Variants in KLHL18 observed in about 807,000 individuals in gnomAD.
KLHL18 encodes the protein kelch-like protein 18.
KLHL18 carries 38 observed loss-of-function variants against 58.5 expected under a neutral mutation model. The ratio of observed to expected loss-of-function variants is 0.65; its 90% CI spans 0.50 to 0.85. KLHL18 has a LOEUF of 0.85. KLHL18 is among the 40% of genes least tolerant of loss of function. KLHL18 has a pLI of 0.00. For synonymous variants in KLHL18, 303 were observed against 301.9 expected, an observed-to-expected ratio of 1.00 and a Z score of -0.04; for missense variants, 624 against 778.4, an observed-to-expected ratio of 0.80 and a Z score of 2.36.
rs1373449086 is a variant in KLHL18 at position 47,308,446 on chromosome 3, A to G, written c.130-11207A>G. Reference sequence around the variant, plus strand: ...TGTTCTGTCCCCCAGGCTGGAGTGCAATGGCACGATCTTGGCTCACTGCAA... The same window carrying G: ...TGTTCTGTCCCCCAGGCTGGAGTGCGATGGCACGATCTTGGCTCACTGCAA... On this transcript the variant is annotated intron_variant, in intron 1 of 9. Coordinates refer to ENST00000232766, the MANE Select transcript of KLHL18 (RefSeq NM_025010.5). 9.9e-5 allele frequency among the ~76,000 whole-genome samples: 15 copies of G among 152,116 alleles called. No individual in the cohort carries two copies. In the East Asian group the frequency reaches 2.7e-3, roughly 27 times the overall value.
At chr3:47,313,179 G>T (rs1219224387) in intron 1 of KLHL18, among the ~76,000 whole-genome samples, 1 of 150,892 alleles carries the variant, frequency 6.6e-6, no homozygotes, top group African/African-American at 2.4e-5. Flanking sequence ...AAAGTGCTGG[G>T]ATTACAGGCG....
chr3:47,338,968 C>T (rs1383293126), intron 7 of KLHL18: 3 of 152,262 alleles, frequency 2.0e-5, no homozygotes, highest in East Asian at 1.9e-4. Context: ...CCTTATAAGG[C>T]GTTGTGTAGG....
chr3:47,328,868 A>T (rs1275339313), intron 3 of KLHL18, among the ~76,000 whole-genome samples: 1 of 152,036 alleles, frequency 6.6e-6, no homozygotes, highest in Non-Finnish European at 1.5e-5. Flanking sequence ...TATCTAAAAC[A>T]AGAAAAAATC....
intron 1 of KLHL18, 125 bp from the exon 2 acceptor site, chr3:47,319,528 C>T (rs1470579505): frequency 2.4e-5 from 24 of 1,008,820 alleles, no homozygotes; most frequent in Non-Finnish European, 3.2e-5. Context: ...ATGCCTTCAC[C>T]GCCTTTGCAG....
At chr3:47,318,918 A>G (rs1703518863) in intron 1 of KLHL18, among the ~76,000 whole-genome samples, 1 of 152,246 alleles carries the variant, frequency 6.6e-6, no homozygotes, top group African/African-American at 2.4e-5. Context: ...GTGGAACCTG[A>G]TAAAAAGGAA....
chr3:47,323,289 G>T (rs1237561115), intron 3 of KLHL18, among the ~76,000 whole-genome samples: 2 of 151,974 alleles, frequency 1.3e-5, no homozygotes, highest in East Asian at 3.9e-4. Flanking sequence ...ATGTGGTTTT[G>T]CCATGTTGCC....
At position 47,336,760 on chromosome 3, in the gene KLHL18, A is replaced by G; in HGVS notation, c.1121+3A>G. ...GGGAGCATGAATAGCAAGAGAAGGT[A>G]TTCTGGAAGCCACGTGCAGCCCGAA... On this transcript the variant is annotated splice_donor_region_variant and intron_variant, in intron 7 of 9. Coordinates refer to ENST00000232766, the MANE Select transcript of KLHL18 (RefSeq NM_025010.5). 1 of 1,612,470 alleles carries G rather than the reference A, an allele frequency of 6.2e-7. No individual in the cohort carries two copies. Among genetic ancestry groups the G allele is most frequent in the South Asian group, 1.1e-5 (1 of 91,036 alleles).
At chr3:47,285,873 C>T (rs1241420063) in intron 1 of KLHL18, among the ~76,000 whole-genome samples, 5 of 152,060 alleles carry the variant, frequency 3.3e-5, no homozygotes, top group Non-Finnish European at 7.4e-5. Context: ...CGTGGTGAAA[C>T]CCCATCTCTA....
chr3:47,316,143 A>G (rs1023667911), intron 1 of KLHL18, among the ~76,000 whole-genome samples: 2 of 152,180 alleles, frequency 1.3e-5, no homozygotes, highest in Non-Finnish European at 2.9e-5. Flanking sequence ...AAATGGTGTA[A>G]AGAGATTTTT....
At chr3:47,308,686 C>G (rs547333185) in intron 1 of KLHL18, among the ~76,000 whole-genome samples, 10 of 152,176 alleles carry the variant, frequency 6.6e-5, no homozygotes, top group African/African-American at 1.9e-4. Context: ...CCACTGTGCC[C>G]GGCCAATATG....
intron 2 of KLHL18, 148 bp from the exon 3 acceptor site, chr3:47,322,420 A>C: frequency 1.7e-6 from 1 of 576,308 alleles, no homozygotes; most frequent in Non-Finnish European, 2.6e-6. Flanking sequence ...TGGTAGAATG[A>C]GTTTTAGGCT....
chr3:47,333,030 T>C lies in KLHL18; in HGVS notation c.601-127T>C, dbSNP rs576069688. 2.6e-4 allele frequency: 231 copies of C among 871,928 alleles called. No individual in the cohort carries two copies. In the African/African-American group the frequency reaches 3.3e-3, roughly 12 times the overall value. 54.0% of individuals were successfully genotyped at this position (871,928 alleles called of 1,614,324 possible). A position where few individuals can be genotyped will look rare whatever the true frequency, so the allele number is the denominator to read the frequency against. On this transcript the variant is annotated intron_variant, in intron 4 of 9. Transcript: ENST00000232766. ...AGAAATCAGGGATTTCAGAGACAAG[T>C]AGGAGAAAAGATTGATGGGCCCAAG...
intron 1 of KLHL18, chr3:47,297,465 T>C (rs1702920816): frequency 2.3e-6 from 1 of 432,060 alleles, no homozygotes; most frequent in African/African-American, 2.0e-5. Context: ...GTCTGTTTAT[T>C]TCTTCAGGAC....
chr3:47,325,440 G>A (rs1391334080), intron 3 of KLHL18, among the ~76,000 whole-genome samples: 1 of 151,854 alleles, frequency 6.6e-6, no homozygotes, highest in Admixed American at 6.6e-5. Context: ...CTTGTGATCC[G>A]CCCGCCTCAG....
intron 1 of KLHL18, among the ~76,000 whole-genome samples, chr3:47,306,998 T>G (rs1703161220): frequency 6.6e-6 from 1 of 152,206 alleles, no homozygotes. Context: ...ATTCGTTGAT[T>G]TATTGGAGTT....
chr3:47,312,714 C>T (rs1338301386), intron 1 of KLHL18, among the ~76,000 whole-genome samples: 1 of 151,996 alleles, frequency 6.6e-6, no homozygotes, highest in African/African-American at 2.4e-5. Context: ...GCTTTGTGCT[C>T]CCTCCGCCCC....
intron 3 of KLHL18, among the ~76,000 whole-genome samples, chr3:47,324,390 A>T (rs189337211): frequency 7.2e-6 from 1 of 138,406 alleles, no homozygotes; most frequent in Non-Finnish European, 1.5e-5. Flanking sequence ...CTCTGTGGCT[A>T]AGTAGGATTA....
At chr3:47,291,786 GA>G (rs1702795929) in intron 1 of KLHL18, among the ~76,000 whole-genome samples, 1 of 152,164 alleles carries the variant, frequency 6.6e-6, no homozygotes, top group South Asian at 2.1e-4. Flanking sequence ...GAATACAAAT[GA>G]ACCGGAAGTG....
At chr3:47,318,696 G>A (rs1398426062) in intron 1 of KLHL18, among the ~76,000 whole-genome samples, 1 of 152,216 alleles carries the variant, frequency 6.6e-6, no homozygotes, top group African/African-American at 2.4e-5. Context: ...AGGAATCGCG[G>A]GCAAGGAATC....
Sources: gnomAD v4.1 joint callset for allele counts (sites outside exome capture counted in the v4.1 genomes callset) on GRCh38, gnomAD v4.1.1 for gene constraint, MANE v1.5 for transcripts, NCBI Gene and HGNC (gene_info 2026-07-23, HGNC 2026-07-21) for gene names.